Variants in EBF1 observed in about 807,000 individuals in gnomAD.
The protein encoded by EBF1 is EBF transcription factor 1, also known as transcription factor COE1.
EBF1 carries 10 observed loss-of-function variants against 68.4 expected under a neutral mutation model. The ratio of observed to expected loss-of-function variants is 0.15; its 90% CI spans 0.09 to 0.25. The LOEUF (loss-of-function observed/expected upper bound fraction) is 0.25. EBF1 is among the 10% of genes least tolerant of loss of function. The probability of loss-of-function intolerance (pLI) is 1.00; values close to 1 mark genes in which losing one functional copy is unlikely to be tolerated. For synonymous variants in EBF1, 298 were observed against 299.8 expected, an observed-to-expected ratio of 0.99 and a Z score of 0.06; for missense variants, 509 against 794.4, an observed-to-expected ratio of 0.64 and a Z score of 4.32.
intron 6 of EBF1, among the ~76,000 whole-genome samples, chr5:158,920,878 G>C (rs1221528967): frequency 6.6e-6 from 1 of 152,226 alleles, no homozygotes; most frequent in Non-Finnish European, 1.5e-5. Context: ...GACAGCACTG[G>C]AGAGGATGCC....
chr5:158,903,227 A>G (rs1469070), intron 6 of EBF1, among the ~76,000 whole-genome samples: 24,481 of 152,208 alleles, frequency 0.16, 2,036 homozygotes, highest in Non-Finnish European at 0.19. Flanking sequence ...TCATTCATTT[A>G]TAAATAAGAA....
intron 6 of EBF1, among the ~76,000 whole-genome samples, chr5:158,857,936 T>C (rs903219415): frequency 2.6e-5 from 4 of 152,208 alleles, no homozygotes; most frequent in African/African-American, 9.6e-5. Flanking sequence ...CTCTGTTTAA[T>C]TACTTTCCTT....
At chr5:158,973,033 T>G (rs898014644) in intron 6 of EBF1, among the ~76,000 whole-genome samples, 3 of 152,212 alleles carry the variant, frequency 2.0e-5, no homozygotes, top group Admixed American at 6.5e-5. Context: ...CAAATATTTC[T>G]TCACCCTATT....
chr5:159,041,109 G>A (rs1259078649), intron 6 of EBF1, among the ~76,000 whole-genome samples: 2 of 152,086 alleles, frequency 1.3e-5, no homozygotes, highest in African/African-American at 4.8e-5. Flanking sequence ...CCACAATTTG[G>A]TACCCATCGT....
intron 5 of EBF1, among the ~76,000 whole-genome samples, chr5:159,078,927 G>A (rs1053775309): frequency 1.3e-5 from 2 of 152,078 alleles, no homozygotes; most frequent in African/African-American, 4.8e-5. Flanking sequence ...TCATGGAATC[G>A]GCAGATCCTC....
At chr5:158,911,177 TCTC>T (rs1374379019) in intron 6 of EBF1, among the ~76,000 whole-genome samples, 1 of 152,162 alleles carries the variant, frequency 6.6e-6, no homozygotes, top group Non-Finnish European at 1.5e-5. Flanking sequence ...CCTCTGCAAA[TCTC>T]CTTCCTTTCA....
chr5:158,887,908 G>A (rs1800368646), intron 6 of EBF1, among the ~76,000 whole-genome samples: 1 of 152,150 alleles, frequency 6.6e-6, no homozygotes, highest in East Asian at 1.9e-4. Context: ...CACATTTCCA[G>A]GGTTTAAGGT....
At chr5:158,735,709 T>TA (rs998301618) in intron 10 of EBF1, among the ~76,000 whole-genome samples, 6 of 152,162 alleles carry the variant, frequency 3.9e-5, no homozygotes, top group African/African-American at 1.4e-4. Flanking sequence ...ATGAAATGGT[T>TA]AAAAAAATCA....
intron 7 of EBF1, among the ~76,000 whole-genome samples, chr5:158,828,898 T>G (rs886780583): frequency 6.6e-6 from 1 of 152,208 alleles, no homozygotes; most frequent in African/African-American, 2.4e-5. Context: ...TAGAGGGGTC[T>G]TAAATGCATA....
chr5:158,971,547 G>A (rs1755653764), intron 6 of EBF1, among the ~76,000 whole-genome samples: 1 of 152,202 alleles, frequency 6.6e-6, no homozygotes, highest in Non-Finnish European at 1.5e-5. Flanking sequence ...CCAGGTCAAG[G>A]CTGAAGAGGT....
chr5:158,905,890 G>T (rs1372254815), intron 6 of EBF1, among the ~76,000 whole-genome samples: 1 of 152,156 alleles, frequency 6.6e-6, no homozygotes, highest in Non-Finnish European at 1.5e-5. Flanking sequence ...TAGCAGGAGG[G>T]ATACAAGGGA....
chr5:158,781,266 C>G (rs1240818827), intron 9 of EBF1, among the ~76,000 whole-genome samples: 2 of 152,162 alleles, frequency 1.3e-5, no homozygotes, highest in African/African-American at 4.8e-5. Flanking sequence ...TTCCAGATAT[C>G]TTCTCTTATT....
intron 9 of EBF1, among the ~76,000 whole-genome samples, chr5:158,781,992 C>T (rs531423051): frequency 6.6e-6 from 1 of 152,288 alleles, no homozygotes; most frequent in South Asian, 2.1e-4. Context: ...TGGCCAGTTT[C>T]CCTTCCTAGG....
At chr5:158,991,031 G>C (rs2127608714) in intron 6 of EBF1, among the ~76,000 whole-genome samples, 1 of 152,318 alleles carries the variant, frequency 6.6e-6, no homozygotes, top group African/African-American at 2.4e-5. Context: ...ACTGCAGAAA[G>C]AGTAACAGAC....
chr5:158,996,769 A>G (rs1761496242), intron 6 of EBF1, among the ~76,000 whole-genome samples: 1 of 152,246 alleles, frequency 6.6e-6, no homozygotes, highest in African/African-American at 2.4e-5. Flanking sequence ...TTCCTAATAA[A>G]AGAAGGCTCA....
intron 6 of EBF1, among the ~76,000 whole-genome samples, chr5:158,862,502 A>G (rs1031508268): frequency 5.9e-5 from 9 of 152,192 alleles, no homozygotes; most frequent in African/African-American, 1.9e-4. Flanking sequence ...AGTAACTACA[A>G]ATGAAGGCTA....
intron 15 of EBF1, among the ~76,000 whole-genome samples, chr5:158,704,804 A>G (rs527960014): frequency 1.3e-5 from 2 of 152,300 alleles, no homozygotes; most frequent in East Asian, 3.9e-4. Context: ...GAGGCTAAAG[A>G]GGCAAGTCCC....
At chr5:158,907,360 C>T (rs1804880217) in intron 6 of EBF1, among the ~76,000 whole-genome samples, 1 of 152,086 alleles carries the variant, frequency 6.6e-6, no homozygotes, top group Non-Finnish European at 1.5e-5. Flanking sequence ...TAATTGAAAA[C>T]CTACATTTAT....
chr5:158,751,781 T>G (rs1768956509), intron 10 of EBF1, among the ~76,000 whole-genome samples: 2 of 152,112 alleles, frequency 1.3e-5, no homozygotes, highest in African/African-American at 2.4e-5. Context: ...ATCTTTAAAA[T>G]TCTGATAATA....
Sources: gnomAD v4.1 joint callset for allele counts (sites outside exome capture counted in the v4.1 genomes callset) on GRCh38, gnomAD v4.1.1 for gene constraint, MANE v1.5 for transcripts, NCBI Gene and HGNC (gene_info 2026-07-23, HGNC 2026-07-21) for gene names.